PPDPFL: variants seen among roughly 807,000 people sequenced by gnomAD.
The protein encoded by PPDPFL is pancreatic progenitor cell differentiation and proliferation factor like.
Under a neutral mutation model 12.6 loss-of-function variants are expected in PPDPFL, and 12 were observed. The ratio of observed to expected loss-of-function variants is 0.95; its 90% CI spans 0.61 to 1.54. The LOEUF (loss-of-function observed/expected upper bound fraction) is 1.54. Ranked by LOEUF, PPDPFL falls within the 40% of genes most tolerant of loss-of-function variation. The pLI, the probability that PPDPFL is intolerant of heterozygous loss-of-function variation, is 0.00. For missense variants in PPDPFL, 114 were observed against 96.0 expected, an observed-to-expected ratio of 1.19 and a Z score of -0.78; for synonymous variants, 24 against 32.7, an observed-to-expected ratio of 0.73 and a Z score of 0.91.
At chr8:49,060,880 A>G (rs1808189839) in intron 1 of PPDPFL, among the ~76,000 whole-genome samples, 1 of 152,064 alleles carries the variant, frequency 6.6e-6, no homozygotes, top group African/African-American at 2.4e-5. Context: ...TAATTGGTAA[A>G]TTGTCTAAGT....
chr8:49,071,219 A>AT (rs1808381685), upstream of PPDPFL, among the ~76,000 whole-genome samples: 2 of 152,184 alleles, frequency 1.3e-5, no homozygotes, highest in South Asian at 4.1e-4. Flanking sequence ...GACATGAATA[A>AT]TTTTTTAGCA....
At chr8:49,060,381 T>C (rs1228966922) in intron 1 of PPDPFL, among the ~76,000 whole-genome samples, 1 of 152,174 alleles carries the variant, frequency 6.6e-6, no homozygotes, top group Non-Finnish European at 1.5e-5. Context: ...TGGCAGGATC[T>C]CGGCTCACCT....
chr8:49,058,746 T>G (rs1246973426), intron 1 of PPDPFL, among the ~76,000 whole-genome samples: 20 of 152,240 alleles, frequency 1.3e-4, no homozygotes, highest in Admixed American at 1.3e-3. Context: ...ATAAAGAGCC[T>G]TAAAGAAGTC....
At chr8:49,063,909 C>G (rs562387864) in intron 1 of PPDPFL, among the ~76,000 whole-genome samples, 1 of 151,930 alleles carries the variant, frequency 6.6e-6, no homozygotes, top group East Asian at 1.9e-4. Flanking sequence ...ACATAGGACA[C>G]ACTGAATTCT....
intron 1 of PPDPFL, among the ~76,000 whole-genome samples, chr8:49,063,011 G>T (rs1406333034): frequency 6.6e-6 from 1 of 152,110 alleles, no homozygotes; most frequent in African/African-American, 2.4e-5. Flanking sequence ...GGGACCTAAG[G>T]GTTGTTCATG....
rs1808142302 is a variant in PPDPFL, at chr8:49,058,245, A to C, written c.-45+3876A>C. On this transcript the variant is annotated intron_variant, in intron 1 of 4. Transcript: ENST00000517663. ...GTTACATTTCTTCCCCATTCTATGA[A>C]ATAAAAGTCTTACTTAAAAGATTAA... 2.6e-5 allele frequency among the ~76,000 whole-genome samples: 4 copies of C among 152,304 alleles called. No individual in the cohort carries two copies. In the South Asian group the frequency reaches 8.3e-4, roughly 32 times the overall value.
upstream of PPDPFL, among the ~76,000 whole-genome samples, chr8:49,068,613 A>G (rs761168462): frequency 6.6e-6 from 1 of 152,166 alleles, no homozygotes; most frequent in Non-Finnish European, 1.5e-5. Flanking sequence ...CAAAATTTAA[A>G]TAGGTAAATA....
At chr8:49,054,904 C>T (rs527740450) in intron 1 of PPDPFL, among the ~76,000 whole-genome samples, 1 of 152,184 alleles carries the variant, frequency 6.6e-6, no homozygotes, top group African/African-American at 2.4e-5. Context: ...GCTCACTTTG[C>T]CCAATATATT....
intron 1 of PPDPFL, among the ~76,000 whole-genome samples, chr8:49,064,018 C>T (rs1481965343): frequency 6.6e-6 from 1 of 152,110 alleles, no homozygotes; most frequent in Admixed American, 6.5e-5. Context: ...GTCATGCAGG[C>T]ATAGAGCACT....
At chr8:49,066,901 G>T (rs1294611185) in intron 1 of PPDPFL, among the ~76,000 whole-genome samples, 1 of 152,124 alleles carries the variant, frequency 6.6e-6, no homozygotes, top group Non-Finnish European at 1.5e-5. Context: ...GGCAATTCAT[G>T]TACCTGATGA....
upstream of PPDPFL, among the ~76,000 whole-genome samples, chr8:49,070,307 T>G (rs983851363): frequency 2.0e-5 from 3 of 152,162 alleles, no homozygotes; most frequent in Non-Finnish European, 2.9e-5. Context: ...GCTTAATACC[T>G]GGGTAATGAA....
upstream of PPDPFL, among the ~76,000 whole-genome samples, chr8:49,072,130 G>C (rs1252516879): frequency 6.6e-6 from 1 of 152,258 alleles, no homozygotes; most frequent in African/African-American, 2.4e-5. Context: ...GTCCAAAAGA[G>C]CATTGGGCCA....
chr8:49,065,364 T>C (rs1267123781), intron 1 of PPDPFL, among the ~76,000 whole-genome samples: 1 of 152,208 alleles, frequency 6.6e-6, no homozygotes, highest in African/African-American at 2.4e-5. Context: ...AGGATGCCTA[T>C]GGAGGAAACC....
intron 1 of PPDPFL, among the ~76,000 whole-genome samples, chr8:49,065,812 C>T (rs1455716662): frequency 6.6e-6 from 1 of 152,192 alleles, no homozygotes; most frequent in African/African-American, 2.4e-5. Context: ...GGCAGCCCGG[C>T]ATCTGAAGAC....
At chr8:49,062,031 A>G (rs962016956) in intron 1 of PPDPFL, among the ~76,000 whole-genome samples, 3 of 152,234 alleles carry the variant, frequency 2.0e-5, no homozygotes, top group African/African-American at 7.2e-5. Context: ...ATCTACACCT[A>G]TGTTCTAACC....
chr8:49,073,507 AG>A (rs994609160), intron 2 of PPDPFL, among the ~76,000 whole-genome samples: 2 of 152,212 alleles, frequency 1.3e-5, no homozygotes, highest in African/African-American at 4.8e-5. Flanking sequence ...TAAGTGTTAG[AG>A]ACAACTACTG....
intron 1 of PPDPFL, among the ~76,000 whole-genome samples, chr8:49,064,176 C>T (rs991519007): frequency 2.6e-5 from 4 of 152,074 alleles, no homozygotes; most frequent in African/African-American, 7.2e-5. Flanking sequence ...CAGCCAAGGG[C>T]GAGCCATATG....
intron 2 of PPDPFL, 115 bp downstream of exon 2, chr8:49,073,000 G>C (rs1178031419): frequency 4.7e-5 from 45 of 948,742 alleles, no homozygotes; most frequent in Non-Finnish European, 6.9e-5. Flanking sequence ...GAGAACTATT[G>C]GTGACAATGA....
intron 1 of PPDPFL, among the ~76,000 whole-genome samples, chr8:49,058,769 G>C (rs1466828496): frequency 1.3e-5 from 2 of 152,158 alleles, no homozygotes; most frequent in African/African-American, 4.8e-5. Flanking sequence ...AACCTCCAAA[G>C]TCTCCATTTT....
Sources: gnomAD v4.1 joint callset for allele counts (sites outside exome capture counted in the v4.1 genomes callset) on GRCh38, gnomAD v4.1.1 for gene constraint, MANE v1.5 for transcripts, NCBI Gene and HGNC (gene_info 2026-07-23, HGNC 2026-07-21) for gene names.